STRIP2: variants seen among roughly 807,000 people sequenced by gnomAD.
STRIP2 encodes the protein striatin-interacting protein 2.
STRIP2 carries 84 observed loss-of-function variants against 107.1 expected under a neutral mutation model. That is an observed-to-expected ratio of 0.78 (90% CI 0.66 to 0.94). The LOEUF (loss-of-function observed/expected upper bound fraction) is 0.94, where lower values mean the gene tolerates loss of function less well. Among genes scored for constraint, STRIP2 ranks in the 40% least tolerant of loss-of-function variants. The probability of loss-of-function intolerance (pLI) is 0.00; values close to 1 mark genes in which losing one functional copy is unlikely to be tolerated. For synonymous variants in STRIP2, 394 were observed against 400.4 expected, an observed-to-expected ratio of 0.98 and a Z score of 0.19; for missense variants, 888 against 1,034.2, an observed-to-expected ratio of 0.86 and a Z score of 1.94.
intron 20 of STRIP2, among the ~76,000 whole-genome samples, chr7:129,485,234 G>A (rs749997473): frequency 5.9e-5 from 9 of 152,068 alleles, no homozygotes; most frequent in Non-Finnish European, 1.3e-4. Flanking sequence ...AATACATAAA[G>A]CTAATAAGAA....
chr7:129,456,748 T>C, intron 9 of STRIP2, 106 bp downstream of exon 9: 1 of 1,135,968 alleles, frequency 8.8e-7, no homozygotes. Flanking sequence ...ACCCGGCTCA[T>C]CCTGCCCAGG....
intron 13 of STRIP2, among the ~76,000 whole-genome samples, chr7:129,462,569 T>C (rs530147818): frequency 6.6e-6 from 1 of 152,334 alleles, no homozygotes; most frequent in South Asian, 2.1e-4. Flanking sequence ...TTTGCTAATA[T>C]TCCTTCCTGT....
intron 3 of STRIP2, 91 bp from the exon 4 acceptor site, chr7:129,451,522 A>G: frequency 6.8e-7 from 1 of 1,463,074 alleles, no homozygotes; most frequent in South Asian, 1.3e-5. Context: ...TTGGCAGGGG[A>G]GCTGAGATCA....
At chr7:129,465,572 C>T (rs570085051) in intron 16 of STRIP2, among the ~76,000 whole-genome samples, 25 of 152,298 alleles carry the variant, frequency 1.6e-4, no homozygotes, top group Non-Finnish European at 2.8e-4. Context: ...CTGTGCCCAG[C>T]ACCCTGTTAA....
chr7:129,436,354 C>G (rs755212710), intron 1 of STRIP2, among the ~76,000 whole-genome samples: 4 of 152,166 alleles, frequency 2.6e-5, no homozygotes, highest in Non-Finnish European at 5.9e-5. Flanking sequence ...GCAATCTGTT[C>G]CCCACCTGTC....
intron 2 of STRIP2, among the ~76,000 whole-genome samples, chr7:129,442,669 A>G (rs1797932056): frequency 6.6e-6 from 1 of 152,182 alleles, no homozygotes; most frequent in Non-Finnish European, 1.5e-5. Flanking sequence ...TCTTAAAAAT[A>G]TATATATTCA....
At chr7:129,479,650 C>T (rs9768030) in intron 18 of STRIP2, among the ~76,000 whole-genome samples, 1 of 151,774 alleles carries the variant, frequency 6.6e-6, no homozygotes, top group Non-Finnish European at 1.5e-5. Context: ...CCACCATGCC[C>T]AGCTAATTTT....
chr7:129,443,725 G>T lies in STRIP2; in HGVS notation c.200-299G>T, dbSNP rs1330614834. 2.6e-5 allele frequency among the ~76,000 whole-genome samples: 4 copies of T among 152,242 alleles called. No individual in the cohort carries two copies. The East Asian group carries it at 7.7e-4, about 29-fold the overall frequency. Reference sequence around the variant, plus strand: ...GCAGGAGTTGCAGCCCTGAGAAACAGGAGTGATGAGATTAAGCTCTCTGTG... The same window carrying T: ...GCAGGAGTTGCAGCCCTGAGAAACATGAGTGATGAGATTAAGCTCTCTGTG... On this transcript the variant is annotated intron_variant, in intron 2 of 20. Coordinates refer to ENST00000249344, the MANE Select transcript of STRIP2 (RefSeq NM_020704.3).
chr7:129,438,590 A>G (rs1296209471), intron 1 of STRIP2, among the ~76,000 whole-genome samples: 1 of 152,140 alleles, frequency 6.6e-6, no homozygotes, highest in African/African-American at 2.4e-5. Context: ...GCTGACACCA[A>G]CTGGATGTCC....
At position 129,483,444 on chromosome 7, in the gene STRIP2, T is replaced by C. The variant is rs1477871561; in HGVS notation, c.2254+398T>C. 1.8e-5 allele frequency: 10 copies of C among 549,688 alleles called. No individual in the cohort carries two copies. The highest frequency in any genetic ancestry group is 2.3e-5 in the Non-Finnish European group (10 of 426,796). The allele number at this position is 549,688 out of a possible 1,614,324, so 34.1% of individuals were successfully genotyped here. On this transcript the variant is annotated intron_variant, in intron 20 of 20. Transcript: ENST00000249344. The surrounding 1 kb of genome is among the most constrained non-coding windows in gnomAD (Gnocchi z 5.1). Reference sequence around the variant, plus strand: ...TTATATTTATGCCATATTTGTACTATGCAGAAATTGCCACCATTAACATCT... The same window carrying C: ...TTATATTTATGCCATATTTGTACTACGCAGAAATTGCCACCATTAACATCT...
Position 129,480,881 on chromosome 7 carries a change from C to T in STRIP2, c.2041C>T (p.Arg681Trp), listed in dbSNP as rs749937030. 1.5e-4 allele frequency: 238 copies of T among 1,611,362 alleles called. No individual in the cohort carries two copies. The highest frequency in any genetic ancestry group is 1.6e-4 in the Non-Finnish European group (188 of 1,179,168). Residue 681 changes from arginine to tryptophan, a missense_variant, in exon 19 of 21, where the codon CGG (arginine) becomes TGG (tryptophan). Transcript: ENST00000249344. ...TAAACTGACCAAATGGAAACATTCC[C>T]GGACCATGGTGAGTGTGGTTTTTTA... ...LNKLTKWKHS[R>W]TMMLVVFKSA...
chr7:129,464,890 G>A, intron 16 of STRIP2, 152 bp downstream of exon 16: 7 of 994,676 alleles, frequency 7.0e-6, no homozygotes, highest in Non-Finnish European at 1.1e-5. Flanking sequence ...CATTGCATGA[G>A]CTTGAGGTAG....
In STRIP2 at chr7:129,458,566, T is replaced by A; in HGVS notation, c.1274+116T>A. 1.6e-6 allele frequency: 2 copies of A among 1,247,866 alleles called. No homozygotes were observed. Among genetic ancestry groups the A allele is most frequent in the Non-Finnish European group, 2.2e-6 (2 of 891,198 alleles). 77.3% of individuals were successfully genotyped at this position (1,247,866 alleles called of 1,614,324 possible). On this transcript the variant is annotated intron_variant, in intron 10 of 20. Transcript: ENST00000249344. This position sits in a 1 kb window ranked among gnomAD's most constrained non-coding sequence, Gnocchi z 4.6. ...AAGTTGGTCTGGCAGTCAGAACTCC[T>A]GGGTTTGAAATTCCTTCTGTTGATT...
At chr7:129,469,477 C>T (rs755835862) in intron 17 of STRIP2, among the ~76,000 whole-genome samples, 9 of 152,182 alleles carry the variant, frequency 5.9e-5, no homozygotes, top group Non-Finnish European at 1.3e-4. Context: ...TCCTGGTCGC[C>T]GGCAACTACT....
At chr7:129,456,697 TTCTAAGTTAC>T (rs1394516023) in intron 9 of STRIP2, 55 bp downstream of exon 9, 6 of 1,501,796 alleles carry the variant, frequency 4.0e-6, no homozygotes, top group Non-Finnish European at 2.7e-6. Flanking sequence ...AAAATCAAGA[TTCTAAGTTAC>T]TCTGGGTGTG....
At chr7:129,472,329 CCA>C (rs1798807423) in intron 18 of STRIP2, among the ~76,000 whole-genome samples, 1 of 152,136 alleles carries the variant, frequency 6.6e-6, no homozygotes, top group African/African-American at 2.4e-5. Flanking sequence ...TTGATAGGAA[CCA>C]CACTTTCACA....
At position 129,454,489 on chromosome 7, in the gene STRIP2, G is replaced by T; in HGVS notation, c.668G>T (p.Gly223Val). The change falls in exon 7 of 21, where the codon GGG becomes GTG. Residue 223 changes from glycine to valine, a missense_variant. Physicochemically the swap from Gly to Val is moderately radical, Grantham distance 109 (BLOSUM62 -3). Coordinates refer to ENST00000249344, the MANE Select transcript of STRIP2 (RefSeq NM_020704.3). Reference protein sequence around the residue: ...IRLERETDPCGWRTARETFRT... With the variant: ...IRLERETDPCVWRTARETFRT... ...CTGGAGCGAGAGACAGACCCCTGTG[G>T]GTGGAGAACAGCCCGGGAGACCTTC... 1 of 1,614,154 alleles carries T rather than the reference G, an allele frequency of 6.2e-7. No homozygotes were observed. The highest frequency in any genetic ancestry group is 8.5e-7 in the Non-Finnish European group (1 of 1,179,998).
chr7:129,435,088 C>G (rs1331072124), intron 1 of STRIP2, among the ~76,000 whole-genome samples: 1 of 152,166 alleles, frequency 6.6e-6, no homozygotes, highest in Non-Finnish European at 1.5e-5. Flanking sequence ...CGAGGGACTT[C>G]TGCCCGTTCC....
intron 5 of STRIP2, 136 bp downstream of exon 5, chr7:129,453,483 T>C: frequency 9.1e-7 from 1 of 1,102,968 alleles, no homozygotes; most frequent in Admixed American, 2.8e-5. Flanking sequence ...CCAAAGCTCA[T>C]TGACAGTTCC....
Sources: gnomAD v4.1 joint callset for allele counts (sites outside exome capture counted in the v4.1 genomes callset) on GRCh38, gnomAD v4.1.1 for gene constraint, Gnocchi (gnomAD v3.1) non-coding constraint, MANE v1.5 for transcripts, NCBI Gene and HGNC (gene_info 2026-07-23, HGNC 2026-07-21) for gene names.